The following UVRAG variants were observed in gnomAD, a reference collection of about 807,000 sequenced individuals.
The protein encoded by UVRAG is UV radiation resistance-associated gene protein.
UVRAG carries 19 observed loss-of-function variants against 78.0 expected under a neutral mutation model. That is an observed-to-expected ratio of 0.24 (90% CI 0.17 to 0.36). The LOEUF (loss-of-function observed/expected upper bound fraction) is 0.36. Ranked by LOEUF, UVRAG falls within the 10% of genes least tolerant of loss-of-function variation. The probability of loss-of-function intolerance (pLI) is 1.00; values close to 1 mark genes in which losing one functional copy is unlikely to be tolerated. For synonymous variants in UVRAG, 323 were observed against 324.6 expected, an observed-to-expected ratio of 1.00 and a Z score of 0.05; for missense variants, 740 against 853.8, an observed-to-expected ratio of 0.87 and a Z score of 1.66.
intron 5 of UVRAG, among the ~76,000 whole-genome samples, chr11:75,890,096 G>T (rs933783736): frequency 3.3e-5 from 5 of 152,204 alleles, no homozygotes; most frequent in Non-Finnish European, 5.9e-5. Flanking sequence ...GAGTGATGAG[G>T]GGGGAGTGAT....
chr11:75,947,525 T>C (rs1226254268), intron 6 of UVRAG, among the ~76,000 whole-genome samples: 2 of 152,154 alleles, frequency 1.3e-5, no homozygotes, highest in Non-Finnish European at 2.9e-5. Flanking sequence ...ACCTGATATA[T>C]AAGGGGAGGA....
chr11:75,818,806 G>A (rs1565327971), intron 1 of UVRAG, among the ~76,000 whole-genome samples: 1 of 152,094 alleles, frequency 6.6e-6, no homozygotes, highest in African/African-American at 2.4e-5. Flanking sequence ...AAATAAACAA[G>A]CCCGGTTGGT....
In UVRAG at chr11:75,844,221, CTTTTTCTT is replaced by C. The variant is rs543102178; in HGVS notation, c.118-7648_118-7641del. 6.8e-4 allele frequency among the ~76,000 whole-genome samples: 103 copies of C among 151,860 alleles called. 1 individual carries two copies. The East Asian group carries it at 0.016, about 24-fold the overall frequency. On this transcript the variant is annotated intron_variant, in intron 1 of 14. Coordinates refer to ENST00000356136, the MANE Select transcript of UVRAG (RefSeq NM_003369.4). ...TACCGTTAAGTTTTAAAGCAGATTT[CTTTTTCTT>C]TTTTTCTTTTTTTTTTGAGGCAGAG...
At chr11:75,958,330 C>T (rs371219931) in intron 6 of UVRAG, among the ~76,000 whole-genome samples, 7 of 152,290 alleles carry the variant, frequency 4.6e-5, no homozygotes, top group African/African-American at 1.4e-4. Context: ...GGAGTCCGTC[C>T]TTCCCCTCAA....
intron 6 of UVRAG, among the ~76,000 whole-genome samples, chr11:75,947,107 TTTAA>T (rs1266539212): frequency 1.3e-5 from 2 of 152,136 alleles, no homozygotes; most frequent in Non-Finnish European, 2.9e-5. Flanking sequence ...CCTCATCAAC[TTTAA>T]TTACCTCCTG....
At chr11:75,959,292 A>T (rs896340487) in intron 6 of UVRAG, among the ~76,000 whole-genome samples, 1 of 152,208 alleles carries the variant, frequency 6.6e-6, no homozygotes, top group African/African-American at 2.4e-5. Flanking sequence ...TGTTTCATCT[A>T]TGTTGAAAAT....
At chr11:76,027,788 A>G (rs1950356248) in intron 12 of UVRAG, among the ~76,000 whole-genome samples, 1 of 152,164 alleles carries the variant, frequency 6.6e-6, no homozygotes, top group Admixed American at 6.6e-5. Context: ...GAATATTAAA[A>G]ATGTAATCCA....
At chr11:76,016,022 T>G (rs1591135555) in intron 11 of UVRAG, among the ~76,000 whole-genome samples, 1 of 152,256 alleles carries the variant, frequency 6.6e-6, no homozygotes, top group African/African-American at 2.4e-5. Flanking sequence ...CTTTCTGTTG[T>G]ATTACTCCCT....
At position 76,140,926 on chromosome 11, in the gene UVRAG, G is replaced by A. The variant is rs757684283; in HGVS notation, c.1613G>A (p.Gly538Glu). The change falls in exon 15 of 15, where the codon GGA becomes GAA. Residue 538 changes from glycine to glutamate, a missense_variant. Coordinates refer to ENST00000356136, the MANE Select transcript of UVRAG (RefSeq NM_003369.4). ...AQPVTTVPSM[G>E]ETERKITSLS... ...CCTGTGACCACCGTCCCCTCCATGGGAGAGACCGAGAGAAAGATAACATCT... is the reference window on the plus strand; with the variant it reads ...CCTGTGACCACCGTCCCCTCCATGGAAGAGACCGAGAGAAAGATAACATCT... 1 of 1,614,136 alleles carries A rather than the reference G, an allele frequency of 6.2e-7. No individual in the cohort carries two copies. The highest frequency in any genetic ancestry group is 1.1e-5 in the South Asian group (1 of 91,088).
chr11:76,018,990 T>G (rs1438767294), intron 12 of UVRAG, among the ~76,000 whole-genome samples: 1 of 152,222 alleles, frequency 6.6e-6, no homozygotes, highest in African/African-American at 2.4e-5. Context: ...TGAGGCTATT[T>G]TCTAGTTCTG....
chr11:76,069,672 G>A (rs1951263918), intron 13 of UVRAG, among the ~76,000 whole-genome samples: 1 of 152,156 alleles, frequency 6.6e-6, no homozygotes, highest in Non-Finnish European at 1.5e-5. Context: ...AAATTCACAT[G>A]ATCCCTATCA....
intron 9 of UVRAG, 115 bp downstream of exon 9, chr11:76,004,204 T>A: frequency 1.0e-6 from 1 of 957,694 alleles, no homozygotes; most frequent in Non-Finnish European, 1.6e-6. Flanking sequence ...TATACCTCAG[T>A]ACCACATTCG....
intron 13 of UVRAG, among the ~76,000 whole-genome samples, chr11:76,115,467 C>G (rs946394607): frequency 6.6e-6 from 1 of 152,194 alleles, no homozygotes; most frequent in Non-Finnish European, 1.5e-5. Context: ...CAAGATGGTC[C>G]TTACCCTTGT....
chr11:76,050,404 C>A (rs1196512674), intron 12 of UVRAG, among the ~76,000 whole-genome samples: 1 of 152,164 alleles, frequency 6.6e-6, no homozygotes, highest in African/African-American at 2.4e-5. Context: ...TTTGTTTAAT[C>A]ATTCATTTGC....
At chr11:76,068,853 C>G (rs1951248543) in intron 13 of UVRAG, among the ~76,000 whole-genome samples, 1 of 152,140 alleles carries the variant, frequency 6.6e-6, no homozygotes, top group African/African-American at 2.4e-5. Flanking sequence ...TATATGTTGT[C>G]AAAGGGGAGT....
intron 1 of UVRAG, among the ~76,000 whole-genome samples, chr11:75,831,565 A>G (rs1945660378): frequency 6.6e-6 from 1 of 152,136 alleles, no homozygotes; most frequent in Admixed American, 6.6e-5. Flanking sequence ...TTAGTGTAAT[A>G]TAAGAGATGA....
At chr11:75,912,569 A>G (rs766823922) in intron 6 of UVRAG, among the ~76,000 whole-genome samples, 3 of 152,224 alleles carry the variant, frequency 2.0e-5, no homozygotes, top group Non-Finnish European at 4.4e-5. Flanking sequence ...ATCTGGCTTT[A>G]ATTTTAAATG....
At position 75,827,293 on chromosome 11, in the gene UVRAG, C is replaced by T. The variant is rs1018601456; in HGVS notation, c.117+11769C>T. ...GGTTTAACAGTGAATACAAGTAATTCGTGTGTTCATATTAGCGTATGTTAA... is the reference window on the plus strand; with the variant it reads ...GGTTTAACAGTGAATACAAGTAATTTGTGTGTTCATATTAGCGTATGTTAA... On this transcript the variant is annotated intron_variant, in intron 1 of 14. Coordinates refer to ENST00000356136, the MANE Select transcript of UVRAG (RefSeq NM_003369.4). Among the ~76,000 whole-genome samples, 5 of 150,834 alleles carry T rather than the reference C, an allele frequency of 3.3e-5. No individual in the cohort carries two copies. The East Asian group carries it at 5.8e-4, about 18-fold the overall frequency.
At chr11:76,057,393 C>T (rs1843659154) in intron 12 of UVRAG, among the ~76,000 whole-genome samples, 1 of 151,830 alleles carries the variant, frequency 6.6e-6, no homozygotes, top group Admixed American at 6.6e-5. Context: ...TTAAATGGCC[C>T]TTAGTGTAAA....
Sources: gnomAD v4.1 joint callset for allele counts (sites outside exome capture counted in the v4.1 genomes callset) on GRCh38, gnomAD v4.1.1 for gene constraint, MANE v1.5 for transcripts, NCBI Gene and HGNC (gene_info 2026-07-23, HGNC 2026-07-21) for gene names.